The following LMF1 variants were observed in gnomAD, a reference collection of about 807,000 sequenced individuals.
LMF1 encodes the protein lipase maturation factor 1.
A neutral mutation model predicts 60.6 loss-of-function variants in LMF1; 68 were observed. That is an observed-to-expected ratio of 1.12 (90% CI 0.92 to 1.37). The LOEUF is 1.37. Ranked by LOEUF, LMF1 falls within the 40% of genes most tolerant of loss-of-function variation. LMF1 has a pLI of 0.00. For missense variants in LMF1, 948 were observed against 767.2 expected, an observed-to-expected ratio of 1.24 and a Z score of -2.78; for synonymous variants, 418 against 324.7, an observed-to-expected ratio of 1.29 and a Z score of -3.09.
intron 10 of LMF1, among the ~76,000 whole-genome samples, chr16:864,660 A>ATTTT (rs1267498633): frequency 6.9e-6 from 1 of 144,124 alleles, no homozygotes; most frequent in African/African-American, 2.8e-5. Context: ...TTAAGTTACT[A>ATTTT]TCTTTTTTTT....
intron 2 of LMF1, among the ~76,000 whole-genome samples, chr16:938,638 G>A (rs904928420): frequency 1.3e-5 from 2 of 152,210 alleles, no homozygotes; most frequent in African/African-American, 2.4e-5. Flanking sequence ...AGGAAGTCCA[G>A]GTCCCAGGGC....
At chr16:858,367 C>A (rs1286303317) in intron 10 of LMF1, among the ~76,000 whole-genome samples, 1 of 50,426 alleles carries the variant, frequency 2.0e-5, no homozygotes, top group African/African-American at 1.3e-4. Flanking sequence ...AGTGGTGTCT[C>A]GGGACGGGTG....
intron 3 of LMF1, among the ~76,000 whole-genome samples, chr16:911,353 C>T (rs1213499427): frequency 6.6e-6 from 1 of 152,056 alleles, no homozygotes; most frequent in Non-Finnish European, 1.5e-5. Flanking sequence ...CTCTGAGGTC[C>T]GCCACCTGCC....
At chr16:979,161 C>T (rs558088169) in intron 1 of LMF1, 4 of 441,672 alleles carry the variant, frequency 9.1e-6, no homozygotes, top group South Asian at 3.1e-5. Flanking sequence ...CAAGCCATCC[C>T]GACACCTCCC....
chr16:879,672 G>A lies in LMF1; in HGVS notation c.795C>T (p.Phe265=), dbSNP rs747639540. ...LHHSPWWFHR[F]ETLSNHFIEL... ...CGATGAAGTGGTTGCTGAGCGTCTCGAAGCGATGGAACCACCAGGGTGAGT... is the reference window on the plus strand; with the variant it reads ...CGATGAAGTGGTTGCTGAGCGTCTCAAAGCGATGGAACCACCAGGGTGAGT... The change falls in exon 6 of 11, where the codon TTC becomes TTT. Residue 265 remains phenylalanine, a synonymous_variant. Transcript: ENST00000262301. 6.8e-6 allele frequency: 11 copies of A among 1,609,826 alleles called. No homozygotes were observed. Among genetic ancestry groups the A allele is most frequent in the African/African-American group, 2.7e-5 (2 of 74,886 alleles).
rs1040107335 is a variant in LMF1 at position 870,162 on chromosome 16, G to C, written c.1233-96C>G. On this transcript the variant is annotated intron_variant, in intron 8 of 10. Coordinates refer to ENST00000262301, the MANE Select transcript of LMF1 (RefSeq NM_022773.4). ...GGGGGTTCCCCGACTGTCCATCCTG[G>C]CCCAGGGGGAGGGCTACAGCCTCCA... is the stretch of plus-strand genomic sequence containing the variant. 4 of 1,387,188 alleles carry C rather than the reference G, an allele frequency of 2.9e-6. No individual in the cohort carries two copies. The African/African-American group carries it at 5.7e-5, about 20-fold the overall frequency. The allele number at this position is 1,387,188 out of a possible 1,614,324, so 85.9% of individuals were successfully genotyped here.
intron 1 of LMF1, chr16:976,389 G>A (rs753663056): frequency 1.3e-5 from 6 of 454,008 alleles, no homozygotes; most frequent in South Asian, 4.7e-5. Flanking sequence ...TCCTGTACAC[G>A]GCACAGCTGT....
At chr16:892,427 G>A (rs944196360) in intron 5 of LMF1, among the ~76,000 whole-genome samples, 1 of 152,122 alleles carries the variant, frequency 6.6e-6, no homozygotes, top group African/African-American at 2.4e-5. Flanking sequence ...CAGCCCCCAC[G>A]TGAACACGTG....
At chr16:937,669 G>C (rs1211291579) in intron 2 of LMF1, among the ~76,000 whole-genome samples, 2 of 152,222 alleles carry the variant, frequency 1.3e-5, no homozygotes, top group African/African-American at 4.8e-5. Context: ...CATTTCTATA[G>C]GAAGCTTTTG....
chr16:882,723 G>T (rs1179908219), intron 5 of LMF1, among the ~76,000 whole-genome samples: 1 of 151,634 alleles, frequency 6.6e-6, no homozygotes, highest in Non-Finnish European at 1.5e-5. Flanking sequence ...AGAAAGAGGA[G>T]CCGGCAGCAG....
At chr16:955,969 C>T (rs1434979023) in intron 1 of LMF1, among the ~76,000 whole-genome samples, 1 of 150,788 alleles carries the variant, frequency 6.6e-6, no homozygotes, top group Admixed American at 6.6e-5. Flanking sequence ...CTCACATCCA[C>T]AGGTCTCCGA....
In LMF1 at chr16:934,183, T is replaced by A. The variant is rs368551315; in HGVS notation, c.514+61A>T. The stretch of plus-strand genomic sequence containing the variant: ...AGAGGCCAGGAAAAGTGCGTGAAGA[T>A]ACATACCAAACACACAACGCTCAAC... On this transcript the variant is annotated intron_variant, in intron 3 of 10. Coordinates refer to ENST00000262301, the MANE Select transcript of LMF1 (RefSeq NM_022773.4). 3.1e-6 allele frequency: 5 copies of A among 1,598,874 alleles called. No homozygotes were observed. The African/African-American group carries it at 6.7e-5, about 21-fold the overall frequency.
rs967386088 is a variant in LMF1 at position 939,559 on chromosome 16, C to G, written c.504-5305G>C. Among the ~76,000 whole-genome samples, 92 of 152,332 alleles carry G rather than the reference C, an allele frequency of 6.0e-4. 1 individual carries two copies. Among genetic ancestry groups the G allele is most frequent in the African/African-American group, 2.0e-3 (84 of 41,588 alleles). On this transcript the variant is annotated intron_variant, in intron 2 of 10. Transcript: ENST00000262301. Reference sequence around the variant, plus strand: ...GGCGCGTGGCATCTGGGGCAATGACCAGTGCGTCGCTGAGACTGCCGGCGC... The same window carrying G: ...GGCGCGTGGCATCTGGGGCAATGACGAGTGCGTCGCTGAGACTGCCGGCGC...
intron 4 of LMF1, among the ~76,000 whole-genome samples, chr16:896,569 C>T (rs924216738): frequency 2.0e-5 from 3 of 152,172 alleles, no homozygotes; most frequent in Non-Finnish European, 2.9e-5. Flanking sequence ...TGAAAACAGC[C>T]GAGGGTGTCC....
At chr16:979,093 T>C (rs1358006011) in intron 1 of LMF1, 8 of 453,816 alleles carry the variant, frequency 1.8e-5, no homozygotes, top group Non-Finnish European at 3.1e-5. Flanking sequence ...CCCGGCTCCA[T>C]CCTGTGTGGG....
chr16:954,513 A>T lies in LMF1; in HGVS notation c.347T>A (p.Leu116Gln). Residue 116 changes from leucine to glutamine, a missense_variant, in exon 2 of 11, where the codon CTG becomes CAG. By Grantham distance (113) the Leu-to-Gln change is moderately radical. Transcript: ENST00000262301. ...GGAGTTCATGTCTGACCAGTCCATC[A>T]GCCAGAGGATGGTGGGCATGTAGCT... ...VFSYMPTILW[L>Q]MDWSDMNSNL... is the part of the protein sequence containing the mutation. 1.2e-6 allele frequency: 2 copies of T among 1,613,044 alleles called. No individual in the cohort carries two copies. The highest frequency in any genetic ancestry group is 1.7e-6 in the Non-Finnish European group (2 of 1,179,648).
intron 4 of LMF1, chr16:905,168 G>A (rs2070941791): frequency 6.0e-6 from 1 of 168,048 alleles, no homozygotes; most frequent in Non-Finnish European, 1.2e-5. Context: ...GCTGCGTGGT[G>A]GTGACCTCTG....
At chr16:879,829 G>A in intron 5 of LMF1, 92 bp from the exon 6 acceptor site, 2 of 1,280,210 alleles carry the variant, frequency 1.6e-6, no homozygotes, top group Non-Finnish European at 2.2e-6. Flanking sequence ...CCTGACCCCG[G>A]CTCCTACTGC....
chr16:879,474 T>C, intron 6 of LMF1, 96 bp downstream of exon 6: 1 of 1,402,398 alleles, frequency 7.1e-7, no homozygotes, highest in African/African-American at 1.4e-5. Flanking sequence ...GGGCCTGTAA[T>C]GCCCCAGGGT....
Sources: allele counts gnomAD v4.1 joint callset (sites outside exome capture counted in the v4.1 genomes callset), GRCh38; gene constraint gnomAD v4.1.1; transcripts MANE v1.5; gene names NCBI Gene and HGNC (gene_info 2026-07-23, HGNC 2026-07-21).